The following CEP350 variants were observed in gnomAD, a reference collection of about 807,000 sequenced individuals.
The protein encoded by CEP350 is centrosomal protein 350, also known as centrosome-associated protein 350.
Under a neutral mutation model 331.8 loss-of-function variants are expected in CEP350, and 126 were observed. The observed-to-expected ratio is 0.38, with a 90% confidence interval of 0.33 to 0.44. CEP350 has a LOEUF of 0.44. Ranked by LOEUF, CEP350 falls within the 20% of genes least tolerant of loss-of-function variation. CEP350 has a pLI of 1.00. For missense variants in CEP350, 3,406 were observed against 3,634.6 expected (o/e 0.94, Z 1.62); for synonymous variants, 1,200 against 1,259.5 (o/e 0.95, Z 1.00).
At chr1:180,088,974 T>C (rs1362692520) in intron 32 of CEP350, among the ~76,000 whole-genome samples, 1 of 152,226 alleles carries the variant, frequency 6.6e-6, no homozygotes, top group African/African-American at 2.4e-5. Flanking sequence ...CCTTCCAGGA[T>C]TTTTTATGCT....
chr1:180,074,719 C>T (rs1659114477), intron 27 of CEP350, among the ~76,000 whole-genome samples: 1 of 152,122 alleles, frequency 6.6e-6, no homozygotes, highest in Non-Finnish European at 1.5e-5. Flanking sequence ...AAATGAATAT[C>T]TAAATATGAA....
Position 180,020,332 on chromosome 1 carries a change from A to G in CEP350, c.2558A>G (p.Tyr853Cys), listed in dbSNP as rs376734512. 20 of 1,613,784 alleles carry G rather than the reference A, an allele frequency of 1.2e-5. 1 individual carries two copies. The highest frequency in any genetic ancestry group is 9.3e-5 in the African/African-American group (7 of 74,922). ...AAATTAGCTGGGGCCAGCATTAACTATGGGTCAGCATGGAACACTGAGTAT... is the reference window on the plus strand; with the variant it reads ...AAATTAGCTGGGGCCAGCATTAACTGTGGGTCAGCATGGAACACTGAGTAT... ...AKKLAGASIN[Y>C]GSAWNTEYDV... The change falls in exon 12 of 38, where the codon TAT (tyrosine) becomes TGT (cysteine). Residue 853 changes from tyrosine (Y) to cysteine (C), a missense_variant. Coordinates refer to ENST00000367607, the MANE Select transcript of CEP350 (RefSeq NM_014810.5).
intron 37 of CEP350, among the ~76,000 whole-genome samples, chr1:180,110,780 A>C (rs1661429116): frequency 6.6e-6 from 1 of 152,184 alleles, no homozygotes; most frequent in East Asian, 1.9e-4. Flanking sequence ...GAATATTGTC[A>C]AATGTTATTT....
rs527242064 is a variant in CEP350 at position 180,039,729 on chromosome 1, A to T, written c.4111-1409A>T. The stretch of plus-strand genomic sequence containing the variant: ...ACTTTGTTTCTTTTTTTCAAAGATG[A>T]TTTTGGCTATTCTAGGTTTTTTGCA... On this transcript the variant is annotated intron_variant, in intron 17 of 37. Coordinates refer to ENST00000367607, the MANE Select transcript of CEP350 (RefSeq NM_014810.5). Among the ~76,000 whole-genome samples the T allele has an allele frequency of 7.2e-5, 11 of 152,054 alleles. No individual in the cohort carries two copies. The East Asian group carries it at 1.7e-3, about 24-fold the overall frequency.
intron 27 of CEP350, among the ~76,000 whole-genome samples, chr1:180,070,506 G>A (rs1036481643): frequency 6.6e-6 from 1 of 152,048 alleles, no homozygotes; most frequent in Non-Finnish European, 1.5e-5. Context: ...AAAATTGGAA[G>A]GGCTCTTAGG....
At chr1:180,061,768 C>T (rs1480844703) in intron 25 of CEP350, among the ~76,000 whole-genome samples, 3 of 151,994 alleles carry the variant, frequency 2.0e-5, no homozygotes, top group Non-Finnish European at 4.4e-5. Context: ...AGAAATCTCT[C>T]CTAAAGAATT....
At chr1:180,045,171 A>G (rs1303010628) in intron 21 of CEP350, among the ~76,000 whole-genome samples, 2 of 152,064 alleles carry the variant, frequency 1.3e-5, no homozygotes, top group African/African-American at 4.8e-5. Context: ...GCAAAGCCCC[A>G]TCTCTACTAA....
At chr1:179,985,027 A>G (rs891589369) in intron 1 of CEP350, among the ~76,000 whole-genome samples, 2 of 152,128 alleles carry the variant, frequency 1.3e-5, no homozygotes, top group African/African-American at 2.4e-5. Flanking sequence ...TACCATTACA[A>G]CCATTTCTTA....
At chr1:179,963,267 T>C (rs2148546976) in intron 1 of CEP350, among the ~76,000 whole-genome samples, 1 of 152,246 alleles carries the variant, frequency 6.6e-6, no homozygotes, top group East Asian at 1.9e-4. Flanking sequence ...TTAGGTTACC[T>C]CTTTACTTTG....
intron 37 of CEP350, among the ~76,000 whole-genome samples, chr1:180,108,408 C>G (rs1171079734): frequency 1.3e-5 from 2 of 152,002 alleles, no homozygotes; most frequent in African/African-American, 4.8e-5. Flanking sequence ...CCAAGGCAGG[C>G]TAGATAGCTT....
chr1:180,049,407 T>C (rs12130479), intron 22 of CEP350, among the ~76,000 whole-genome samples: 18,514 of 152,254 alleles, frequency 0.12, 1,207 homozygotes, highest in South Asian at 0.16. Context: ...ACAGTGACTT[T>C]AATTTCTTTA....
chr1:180,111,108 A>G lies in CEP350; in HGVS notation c.9301A>G (p.Ile3101Val), dbSNP rs150197968. ...CTTTGAGACCCTGATCAAAGATACTATTGATGTTCTGAATCAGATCAGTGA... is the reference window on the plus strand; with the variant it reads ...CTTTGAGACCCTGATCAAAGATACTGTTGATGTTCTGAATCAGATCAGTGA... ...GIFETLIKDT[I>V]DVLNQISEKQ... The change falls in exon 38 of 38, where the codon ATT (isoleucine) becomes GTT (valine). Residue 3101 changes from isoleucine (I) to valine (V), a missense_variant. Coordinates refer to ENST00000367607, the MANE Select transcript of CEP350 (RefSeq NM_014810.5). 5.6e-6 allele frequency: 9 copies of G among 1,614,034 alleles called. No individual in the cohort carries two copies. The highest frequency in any genetic ancestry group is 7.6e-6 in the Non-Finnish European group (9 of 1,179,894).
At chr1:179,971,805 AAAACTCCAT>A (rs1172584818) in intron 1 of CEP350, among the ~76,000 whole-genome samples, 5 of 152,144 alleles carry the variant, frequency 3.3e-5, no homozygotes, top group Non-Finnish European at 5.9e-5. Context: ...TGGCCTTTGG[AAAACTCCAT>A]TGTACATTCA....
chr1:180,032,014 T>C (rs1025785476), intron 15 of CEP350, among the ~76,000 whole-genome samples: 7 of 150,620 alleles, frequency 4.6e-5, no homozygotes, highest in Admixed American at 2.0e-4. Flanking sequence ...CTCTCAACTT[T>C]TCTGCTGAAC....
intron 1 of CEP350, among the ~76,000 whole-genome samples, chr1:179,971,850 A>G (rs890616734): frequency 3.9e-5 from 6 of 152,198 alleles, no homozygotes; most frequent in African/African-American, 1.2e-4. Context: ...AAAAAAAGAC[A>G]AAGTCTTAAT....
chr1:180,067,841 C>T (rs1658636868), intron 27 of CEP350, among the ~76,000 whole-genome samples: 1 of 152,132 alleles, frequency 6.6e-6, no homozygotes, highest in African/African-American at 2.4e-5. Context: ...ACCGGAGCAC[C>T]ATAGTTTGAT....
chr1:180,100,370 T>G (rs1660731931), intron 37 of CEP350, among the ~76,000 whole-genome samples: 1 of 152,248 alleles, frequency 6.6e-6, no homozygotes, highest in South Asian at 2.1e-4. Flanking sequence ...CTATCATGTC[T>G]TAAAGTCTGA....
chr1:180,001,903 G>C lies in CEP350; in HGVS notation c.1019-1271G>C, dbSNP rs187108009. Reference sequence around the variant, plus strand: ...GTGCTTCTCCACTTCTAGTCTTTTTGAATGAATGTATATTGCTTTATCTCA... The same window carrying C: ...GTGCTTCTCCACTTCTAGTCTTTTTCAATGAATGTATATTGCTTTATCTCA... On this transcript the variant is annotated intron_variant, in intron 6 of 37. Transcript: ENST00000367607. Among the ~76,000 whole-genome samples the C allele has an allele frequency of 2.2e-3, 337 of 152,218 alleles. 3 individuals carry two copies. Among genetic ancestry groups the C allele is most frequent in the Non-Finnish European group, 8.2e-4 (56 of 68,004 alleles).
In CEP350 at chr1:180,092,836, T is replaced by C; in HGVS notation, c.6731T>C (p.Met2244Thr). The C allele has an allele frequency of 1.9e-6, 3 of 1,569,414 alleles. No homozygotes were observed. Among genetic ancestry groups the C allele is most frequent in the Non-Finnish European group, 2.6e-6 (3 of 1,155,620 alleles). ...AATGCCACTAGTAGAATTCTTGATA[T>C]GTCAGATGGCAAGGTTGGAGAATCT... Reference protein sequence around the residue: ...ELNATSRILDMSDGKVGESSK... With the variant: ...ELNATSRILDTSDGKVGESSK... The change falls in exon 34 of 38, where the codon ATG becomes ACG. Residue 2244 changes from methionine (M) to threonine (T), a missense_variant. Physicochemically the swap from Met to Thr is moderately conservative, Grantham distance 81. Around this residue, in one of 5 missense-constraint regions of CEP350, gnomAD observed 1,415 missense variants for 1,512.3 expected, o/e 0.94. Coordinates refer to ENST00000367607, the MANE Select transcript of CEP350 (RefSeq NM_014810.5).
Sources: gnomAD v4.1 joint callset for allele counts (sites outside exome capture counted in the v4.1 genomes callset) on GRCh38, gnomAD v4.1.1 for gene constraint, gnomAD v4.1.1 regional missense constraint, MANE v1.5 for transcripts, NCBI Gene and HGNC (gene_info 2026-07-23, HGNC 2026-07-21) for gene names.